Variants in SVEP1 observed in about 807,000 individuals in gnomAD.
SVEP1 encodes the protein sushi, von Willebrand factor type A, EGF and pentraxin domain-containing protein 1.
SVEP1 carries 164 observed loss-of-function variants against 367.3 expected under a neutral mutation model. The observed-to-expected ratio is 0.45, with a 90% CI of 0.39 to 0.51. The LOEUF is 0.51. Ranked by LOEUF, SVEP1 falls within the 20% of genes least tolerant of loss-of-function variation. The probability of loss-of-function intolerance (pLI) is 0.00; values close to 1 mark genes in which losing one functional copy is unlikely to be tolerated. For synonymous variants in SVEP1, 1,666 were observed against 1,611.6 expected (o/e 1.03, Z -0.81); for missense variants, 4,117 against 4,425.3 (o/e 0.93, Z 1.98).
At chr9:110,387,127 T>G (rs1468560715) in intron 42 of SVEP1, among the ~76,000 whole-genome samples, 158 bp downstream of exon 42, 1 of 152,146 alleles carries the variant, frequency 6.6e-6, no homozygotes, top group African/African-American at 2.4e-5. Context: ...CACAAACATA[T>G]TTTTAAAATA....
At chr9:110,398,189 A>G (rs1046797746) in intron 40 of SVEP1, among the ~76,000 whole-genome samples, 1 of 152,168 alleles carries the variant, frequency 6.6e-6, no homozygotes, top group Admixed American at 6.5e-5. Flanking sequence ...ATTATGCTGC[A>G]TATCTACAAC....
At chr9:110,467,967 A>T in intron 17 of SVEP1, among the ~76,000 whole-genome samples, 1 of 129,500 alleles carries the variant, frequency 7.7e-6, no homozygotes. Flanking sequence ...CCTTGCTCCT[A>T]CTTTCTCCAC....
chr9:110,504,041 TTTTA>T (rs1829583106), intron 5 of SVEP1, among the ~76,000 whole-genome samples: 1 of 151,154 alleles, frequency 6.6e-6, no homozygotes, highest in Admixed American at 6.6e-5. Flanking sequence ...TTTTATTTTA[TTTTA>T]TTTTATTTTG....
chr9:110,406,893 C>T lies in SVEP1; in HGVS notation c.8707G>A (p.Glu2903Lys), dbSNP rs776403257. 2 of 1,613,982 alleles carry T rather than the reference C, an allele frequency of 1.2e-6. No homozygotes were observed. Among genetic ancestry groups the T allele is most frequent in the South Asian group, 2.2e-5 (2 of 91,084 alleles). Reference protein sequence around the residue: ...TPPQLANGVTEGLDYGFMKEV... With the variant: ...TPPQLANGVTKGLDYGFMKEV... ...TTCATGAAGCCATAGTCCAGGCCTT[C>T]CGTCACCCCATTGGCCAGTTGTGGC... Residue 2903 changes from glutamate (E) to lysine (K), a missense_variant, in exon 38 of 48, where the codon GAA becomes AAA. Physicochemically the swap from Glu to Lys is moderately conservative, Grantham distance 56. Transcript: ENST00000374469.
chr9:110,428,346 G>GT (rs1828285312), intron 35 of SVEP1, among the ~76,000 whole-genome samples: 1 of 151,012 alleles, frequency 6.6e-6, no homozygotes, highest in African/African-American at 2.4e-5. Flanking sequence ...TTCAGATCCT[G>GT]TTGATCATGT....
chr9:110,550,206 C>T, intron 1 of SVEP1, 102 bp from the exon 2 acceptor site: 1 of 1,474,372 alleles, frequency 6.8e-7, no homozygotes, highest in South Asian at 1.3e-5. Flanking sequence ...ATTAGTATTT[C>T]ACAGGCATGA....
chr9:110,528,671 C>T (rs1045702144), intron 3 of SVEP1, among the ~76,000 whole-genome samples: 1 of 151,528 alleles, frequency 6.6e-6, no homozygotes, highest in African/African-American at 2.4e-5. Flanking sequence ...GTTTTCCTTG[C>T]TGATTTGTTT....
In SVEP1 at chr9:110,549,820, C is replaced by A. The variant is rs746495283; in HGVS notation, c.787+29G>T. ...GGCAAGGAAGCCTCATTTAAAAGTA[C>A]CTTTGTGATGCCATTAGGTTTCCAT... On this transcript the variant is annotated intron_variant, in intron 2 of 47. Coordinates refer to ENST00000374469, the MANE Select transcript of SVEP1 (RefSeq NM_153366.4). 1.9e-6 allele frequency: 3 copies of A among 1,610,230 alleles called. No individual in the cohort carries two copies. The East Asian group carries it at 6.7e-5, about 36-fold the overall frequency.
intron 39 of SVEP1, 144 bp downstream of exon 39, chr9:110,404,183 C>G: frequency 1.3e-6 from 1 of 746,754 alleles, no homozygotes; most frequent in Non-Finnish European, 2.1e-6. Context: ...ACTATATTTT[C>G]TACCAAGAAA....
intron 1 of SVEP1, among the ~76,000 whole-genome samples, chr9:110,575,560 C>CAA (rs1830617731): frequency 1.3e-5 from 2 of 152,064 alleles, no homozygotes; most frequent in African/African-American, 4.8e-5. Flanking sequence ...ACACAGAGAG[C>CAA]ATTTTTAGGG....
Position 110,445,993 on chromosome 9 carries a change from T to C in SVEP1, c.4307A>G (p.Tyr1436Cys), listed in dbSNP as rs1206407065. The change falls in exon 26 of 48, where the codon TAT (tyrosine) becomes TGT (cysteine). Residue 1436 changes from tyrosine to cysteine, a missense_variant. Physicochemically the swap from Tyr to Cys is radical, Grantham distance 194. Coordinates refer to ENST00000374469, the MANE Select transcript of SVEP1 (RefSeq NM_153366.4). The stretch of plus-strand genomic sequence containing the variant: ...CATGCCATCTAGCATGACATATCCA[T>C]AGATGCCAGAAACTTCAAAATCCAG... The part of the protein sequence containing the change: ...FNLDFEVSGI[Y>C]GYVMLDGMLP... 1 of 1,613,770 alleles carries C rather than the reference T, an allele frequency of 6.2e-7. No homozygotes were observed. Among genetic ancestry groups the C allele is most frequent in the Non-Finnish European group, 8.5e-7 (1 of 1,179,788 alleles).
intron 9 of SVEP1, among the ~76,000 whole-genome samples, chr9:110,484,186 T>G (rs1401032855): frequency 6.6e-6 from 1 of 152,094 alleles, no homozygotes. Context: ...ATAAGCAAGA[T>G]GTTAGTGTGA....
At chr9:110,569,570 C>A (rs79476063) in intron 1 of SVEP1, among the ~76,000 whole-genome samples, 3,009 of 152,044 alleles carry the variant, frequency 0.02, 103 homozygotes, top group African/African-American at 0.069. Flanking sequence ...CAGTAGCTTA[C>A]AACTGGGAAA....
chr9:110,503,009 T>A, intron 6 of SVEP1, 29 bp downstream of exon 6: 1 of 1,593,176 alleles, frequency 6.3e-7, no homozygotes, highest in Non-Finnish European at 8.5e-7. Context: ...AATGAATCAC[T>A]CAAGGCATTA....
chr9:110,479,618 G>A lies in SVEP1; in HGVS notation c.2487+17C>T. The A allele has an allele frequency of 2.5e-6, 4 of 1,582,676 alleles. No individual in the cohort carries two copies. Among genetic ancestry groups the A allele is most frequent in the South Asian group, 1.2e-5 (1 of 85,252 alleles). On this transcript the variant is annotated intron_variant, in intron 13 of 47. Coordinates refer to ENST00000374469, the MANE Select transcript of SVEP1 (RefSeq NM_153366.4). ...CCTTATAAAAGAACACACAATAAAT[G>A]ACCACTATTGATGTACCATTTTTCC...
intron 35 of SVEP1, among the ~76,000 whole-genome samples, chr9:110,427,990 G>A (rs1828280772): frequency 6.6e-6 from 1 of 152,210 alleles, no homozygotes; most frequent in South Asian, 2.1e-4. Context: ...ATCACTTGGT[G>A]CATAGTAAAA....
At chr9:110,550,133 A>AGT in intron 1 of SVEP1, 29 bp from the exon 2 acceptor site, 1 of 1,612,206 alleles carries the variant, frequency 6.2e-7, no homozygotes. Flanking sequence ...AGTTAATATG[A>AGT]GTGTGTACTG....
Position 110,408,419 on chromosome 9 carries a change from G to T in SVEP1, c.7181C>A (p.Pro2394His). 1 of 1,613,956 alleles carries T rather than the reference G, an allele frequency of 6.2e-7. No individual in the cohort carries two copies. Among genetic ancestry groups the T allele is most frequent in the Non-Finnish European group, 8.5e-7 (1 of 1,179,884 alleles). ...ACTTCCAAAATGAAGAGCAGAAGAA[G>T]GAATGGGGACACCAAAGGAAATTAG... ...PPLISFGVPI[P>H]SSALHFGSTV... Residue 2394 changes from proline to histidine, a missense_variant, in exon 38 of 48, where the codon CCT becomes CAT. Transcript: ENST00000374469.
rs1327976755 is a variant in SVEP1 at position 110,579,684 on chromosome 9, G to C, written c.-141C>G. 5.0e-6 allele frequency: 5 copies of C among 1,010,090 alleles called. No individual in the cohort carries two copies. Among genetic ancestry groups the C allele is most frequent in the Non-Finnish European group, 1.4e-6 (1 of 735,680 alleles). 62.6% of individuals were successfully genotyped at this position (1,010,090 alleles called of 1,614,324 possible). ...CAAGAGCCTCAGCGCCCTTTCATCT[G>C]ACACTGGGGACAGACACAATCCAGA... is the stretch of plus-strand genomic sequence containing the variant. On this transcript the variant is annotated 5_prime_UTR_variant, in exon 1 of 48. Transcript: ENST00000374469. This position sits in a 1 kb window ranked among gnomAD's most constrained non-coding sequence, Gnocchi z 5.3.
Sources: gnomAD v4.1 joint callset for allele counts (sites outside exome capture counted in the v4.1 genomes callset) on GRCh38, gnomAD v4.1.1 for gene constraint, Gnocchi (gnomAD v3.1) non-coding constraint, MANE v1.5 for transcripts, NCBI Gene and HGNC (gene_info 2026-07-23, HGNC 2026-07-21) for gene names.